The following CLIC5 variants were observed in gnomAD, a reference collection of about 807,000 sequenced individuals.
CLIC5 encodes CLIC family member 5.
Under a neutral mutation model 24.7 loss-of-function variants are expected in CLIC5, and 20 were observed. That is an observed-to-expected ratio of 0.81 (90% CI 0.57 to 1.18). CLIC5 has a LOEUF of 1.18. Among genes scored for constraint, CLIC5 ranks in the 50% most tolerant of loss-of-function variants. CLIC5 has a pLI of 0.00. For missense variants in CLIC5, 341 were observed against 326.1 expected, an observed-to-expected ratio of 1.05 and a Z score of -0.35; for synonymous variants, 159 against 135.6, an observed-to-expected ratio of 1.17 and a Z score of -1.20.
chr6:45,935,159 A>G (rs1763884106), intron 4 of CLIC5, among the ~76,000 whole-genome samples: 1 of 152,268 alleles, frequency 6.6e-6, no homozygotes, highest in Non-Finnish European at 1.5e-5. Context: ...AATGTAAGAC[A>G]GATATTCAGA....
intron 1 of CLIC5, among the ~76,000 whole-genome samples, chr6:46,035,698 G>C (rs1767638841): frequency 6.6e-6 from 1 of 152,092 alleles, no homozygotes; most frequent in African/African-American, 2.4e-5. Context: ...ACACTGAGCA[G>C]ACCCAGGGCT....
chr6:46,118,162 A>G, the CLIC5 span, among the ~76,000 whole-genome samples: 15 of 152,000 alleles, frequency 9.9e-5, no homozygotes, highest in African/African-American at 3.6e-4. Context: ...TGTAGCACCT[A>G]TTTTCTGTTT....
At chr6:45,996,133 A>T (rs1376052940) in intron 1 of CLIC5, among the ~76,000 whole-genome samples, 1 of 152,136 alleles carries the variant, frequency 6.6e-6, no homozygotes, top group East Asian at 1.9e-4. Context: ...AAAAAAAAAA[A>T]AAATAGAAAT....
chr6:45,889,460 A>G (rs1042386231), intron 6 of CLIC5, among the ~76,000 whole-genome samples: 16 of 152,228 alleles, frequency 1.1e-4, no homozygotes, highest in African/African-American at 3.4e-4. Context: ...TCTCCAGAAT[A>G]CATTAAGTGG....
chr6:46,054,099 C>G (rs1310650576), intron 1 of CLIC5, among the ~76,000 whole-genome samples: 1 of 152,092 alleles, frequency 6.6e-6, no homozygotes, highest in Non-Finnish European at 1.5e-5. Context: ...TGTTTGCCCT[C>G]AAAATGATTT....
intron 4 of CLIC5, chr6:45,937,563 T>C (rs1449156620): frequency 1.3e-5 from 2 of 152,262 alleles, no homozygotes; most frequent in Non-Finnish European, 2.9e-5. Context: ...TACAGCTCCC[T>C]GTAGATTGTT....
intron 1 of CLIC5, among the ~76,000 whole-genome samples, chr6:45,998,198 C>G (rs1332111375): frequency 6.6e-6 from 1 of 152,180 alleles, no homozygotes; most frequent in South Asian, 2.1e-4. Flanking sequence ...ATTTTTCACA[C>G]GGTGACATCC....
At chr6:46,066,940 G>A (rs1286411714) in intron 1 of CLIC5, among the ~76,000 whole-genome samples, 1 of 152,098 alleles carries the variant, frequency 6.6e-6, no homozygotes, top group African/African-American at 2.4e-5. Flanking sequence ...CAGTACTCCT[G>A]GGACACGGTG....
At chr6:46,067,090 T>C (rs1208462857) in intron 1 of CLIC5, among the ~76,000 whole-genome samples, 4 of 152,238 alleles carry the variant, frequency 2.6e-5, no homozygotes, top group Non-Finnish European at 4.4e-5. Context: ...AGCAGGGGAA[T>C]TGAGTATCCA....
intron 5 of CLIC5, among the ~76,000 whole-genome samples, chr6:45,906,126 G>T (rs1762653042): frequency 6.6e-6 from 1 of 152,164 alleles, no homozygotes; most frequent in Admixed American, 6.5e-5. Flanking sequence ...TTATAGTGCA[G>T]TTTGAAGTCA....
intron 1 of CLIC5, among the ~76,000 whole-genome samples, chr6:46,034,932 A>C (rs1312847989): frequency 6.6e-6 from 1 of 152,184 alleles, no homozygotes; most frequent in African/African-American, 2.4e-5. Context: ...TGGGCAAGTC[A>C]CTTCTCCAAT....
rs373849960 is a variant in CLIC5 at position 45,942,321 on chromosome 6, G to A, written c.300-668C>T. Among the ~76,000 whole-genome samples the A allele has an allele frequency of 6.8e-4, 103 of 152,042 alleles. 2 individuals carry two copies. Among genetic ancestry groups the A allele is most frequent in the African/African-American group, 2.1e-3 (87 of 41,458 alleles). On this transcript the variant is annotated intron_variant, in intron 3 of 5. Transcript: ENST00000339561. ...TCCAGCCCCCCTCTCTCTCTCTTTC[G>A]TAGAGTCTTTCATTTTGAAGCCACA... is the stretch of plus-strand genomic sequence containing the variant.
chr6:46,125,706 A>T, the CLIC5 span, among the ~76,000 whole-genome samples: 1 of 152,204 alleles, frequency 6.6e-6, no homozygotes, highest in East Asian at 1.9e-4. Context: ...GCTCAATGTC[A>T]TCACGTGTTG....
At chr6:45,881,747 C>A (rs898060726) in intron 6 of CLIC5, among the ~76,000 whole-genome samples, 1 of 151,954 alleles carries the variant, frequency 6.6e-6, no homozygotes, top group Non-Finnish European at 1.5e-5. Flanking sequence ...ATTTTCTCTC[C>A]CAGAAGACTT....
intron 1 of CLIC5, among the ~76,000 whole-genome samples, chr6:46,067,204 C>G (rs149636022): frequency 1.3e-5 from 2 of 151,968 alleles, no homozygotes; most frequent in Non-Finnish European, 2.9e-5. Flanking sequence ...CCAAATTTAC[C>G]GAGTCCCCAC....
intron 2 of CLIC5, among the ~76,000 whole-genome samples, chr6:45,952,720 G>T (rs2127383319): frequency 6.6e-6 from 1 of 152,264 alleles, no homozygotes; most frequent in Middle Eastern, 3.4e-3. Flanking sequence ...GGTGTTGGCT[G>T]GACCAGGTGT....
intron 1 of CLIC5, among the ~76,000 whole-genome samples, chr6:45,994,819 C>T (rs979524165): frequency 6.6e-6 from 1 of 152,114 alleles, no homozygotes; most frequent in Non-Finnish European, 1.5e-5. Context: ...ACTTCCTATC[C>T]TTGACAGTTG....
At chr6:45,950,887 C>A (rs1009682048) in intron 2 of CLIC5, among the ~76,000 whole-genome samples, 1 of 151,940 alleles carries the variant, frequency 6.6e-6, no homozygotes, top group African/African-American at 2.4e-5. Context: ...TTTAAAAATT[C>A]TGTTCAACAT....
Position 46,039,475 on chromosome 6 carries a change from T to G in CLIC5, c.540+40228A>C, listed in dbSNP as rs190363499. ...GTCATGGTGCAGAGACGGCATTAGATTCATTCCTCATATTATATATTATAA... is the reference window on the plus strand; with the variant it reads ...GTCATGGTGCAGAGACGGCATTAGAGTCATTCCTCATATTATATATTATAA... On this transcript the variant is annotated intron_variant, in intron 1 of 5. Coordinates refer to the CLIC5 transcript ENST00000185206. Among the ~76,000 whole-genome samples the G allele has an allele frequency of 4.8e-3, 729 of 152,152 alleles. 3 individuals are homozygous for G. The highest frequency in any genetic ancestry group is 0.016 in the African/African-American group (674 of 41,532).
Sources: allele counts gnomAD v4.1 joint callset (sites outside exome capture counted in the v4.1 genomes callset), GRCh38; gene constraint gnomAD v4.1.1; transcripts MANE v1.5; gene names NCBI Gene and HGNC (gene_info 2026-07-23, HGNC 2026-07-21).